The following BANK1 variants were observed in gnomAD, a reference collection of about 807,000 sequenced individuals.
BANK1 encodes B cell scaffold protein with ankyrin repeats 1.
A neutral mutation model predicts 94.5 loss-of-function variants in BANK1; 95 were observed. The observed-to-expected ratio is 1.00, with a 90% CI of 0.85 to 1.19. The LOEUF (loss-of-function observed/expected upper bound fraction) is 1.19. Among genes scored for constraint, BANK1 ranks in the 50% most tolerant of loss-of-function variants. BANK1 has a pLI of 0.00. For synonymous variants in BANK1, 334 were observed against 308.4 expected (o/e 1.08, Z -0.87); for missense variants, 987 against 932.2 (o/e 1.06, Z -0.77).
At chr4:101,916,490 A>G (rs1030334696) in intron 6 of BANK1, among the ~76,000 whole-genome samples, 2 of 152,000 alleles carry the variant, frequency 1.3e-5, no homozygotes, top group East Asian at 3.9e-4. Flanking sequence ...GTATATTTTC[A>G]TTTTATTATT....
intron 7 of BANK1, among the ~76,000 whole-genome samples, chr4:101,927,365 G>C (rs1723196321): frequency 6.6e-6 from 1 of 151,602 alleles, no homozygotes; most frequent in Non-Finnish European, 1.5e-5. Context: ...GGATTATGGG[G>C]ATTATGGGGA....
chr4:101,870,645 G>T lies in BANK1; in HGVS notation c.903+1G>T. On this transcript the variant is annotated splice_donor_variant, in intron 5 of 16. Coordinates refer to ENST00000322953, the MANE Select transcript of BANK1 (RefSeq NM_017935.5). LOFTEE classifies it high-confidence loss of function. ...AGATTCAGGAGAGAGTTTGTGCCAGGTAAGTTAATCTTTCCACGAAGTTAA... is the reference window on the plus strand; with the variant it reads ...AGATTCAGGAGAGAGTTTGTGCCAGTTAAGTTAATCTTTCCACGAAGTTAA... 6.2e-7 allele frequency: 1 copy of T among 1,608,580 alleles called. No individual in the cohort carries two copies. Among genetic ancestry groups the T allele is most frequent in the Non-Finnish European group, 8.5e-7 (1 of 1,177,814 alleles).
chr4:101,855,091 G>A lies in BANK1; in HGVS notation c.526G>A (p.Gly176Arg). 2 of 1,613,376 alleles carry A rather than the reference G, an allele frequency of 1.2e-6. No individual in the cohort carries two copies. Among genetic ancestry groups the A allele is most frequent in the East Asian group, 4.5e-5 (2 of 44,852 alleles). The change falls in exon 3 of 17, where the codon GGG (glycine) becomes AGG (arginine). Residue 176 changes from glycine to arginine, a missense_variant. Coordinates refer to ENST00000322953, the MANE Select transcript of BANK1 (RefSeq NM_017935.5). ...AACAGACCTACGAGCAAAACATTCTGGGGAAATAAGTGAGAGAAAGGAAAT... is the reference window on the plus strand; with the variant it reads ...AACAGACCTACGAGCAAAACATTCTAGGGAAATAAGTGAGAGAAAGGAAAT... ...IPTDLRAKHS[G>R]EISERKEIEE...
intron 1 of BANK1, among the ~76,000 whole-genome samples, chr4:101,794,597 AAATATAAAG>A (rs1221359236): frequency 6.6e-6 from 1 of 152,140 alleles, no homozygotes; most frequent in African/African-American, 2.4e-5. Context: ...TTCCTGTTTT[AAATATAAAG>A]AATGGTATCT....
intron 1 of BANK1, among the ~76,000 whole-genome samples, chr4:101,806,539 CT>C (rs977527919): frequency 5.3e-5 from 8 of 152,126 alleles, no homozygotes; most frequent in Non-Finnish European, 8.8e-5. Context: ...CAGAACTTCA[CT>C]TTTTGCCAGC....
chr4:101,903,870 C>T (rs1009575742), intron 6 of BANK1, among the ~76,000 whole-genome samples: 6 of 152,268 alleles, frequency 3.9e-5, no homozygotes, highest in African/African-American at 1.4e-4. Flanking sequence ...TCAATTTTAT[C>T]AGGAGCTGTA....
intron 6 of BANK1, among the ~76,000 whole-genome samples, chr4:101,902,238 C>T (rs1014588801): frequency 6.6e-6 from 1 of 152,194 alleles, no homozygotes; most frequent in Non-Finnish European, 1.5e-5. Flanking sequence ...CTACCCATGA[C>T]ACCTGGTTGA....
At chr4:101,945,431 CA>C (rs762392051) in intron 7 of BANK1, among the ~76,000 whole-genome samples, 2 of 151,718 alleles carry the variant, frequency 1.3e-5, no homozygotes, top group Non-Finnish European at 2.9e-5. Context: ...ATTTACTGTT[CA>C]AAAAATAGTG....
At chr4:101,800,985 T>C (rs6819732) in intron 1 of BANK1, among the ~76,000 whole-genome samples, 83,648 of 151,964 alleles carry the variant, frequency 0.55, 23,110 homozygotes, top group South Asian at 0.67. Flanking sequence ...CTTGAACTCC[T>C]GACCTTAGAT....
chr4:101,802,040 A>G (rs1301079852), intron 1 of BANK1, among the ~76,000 whole-genome samples: 1 of 152,186 alleles, frequency 6.6e-6, no homozygotes, highest in African/African-American at 2.4e-5. Context: ...TGGTCTTGGA[A>G]AATGCAATAT....
At chr4:101,806,480 G>A (rs1725559258) in intron 1 of BANK1, among the ~76,000 whole-genome samples, 2 of 152,084 alleles carry the variant, frequency 1.3e-5, no homozygotes, top group African/African-American at 4.8e-5. Flanking sequence ...ACGTTGCACT[G>A]GATTTGAAGT....
intron 1 of BANK1, among the ~76,000 whole-genome samples, chr4:101,818,929 A>C (rs1726027822): frequency 6.7e-6 from 1 of 148,488 alleles, no homozygotes; most frequent in East Asian, 2.0e-4. Flanking sequence ...TTTCAGATAC[A>C]TATATTTTGC....
chr4:101,906,214 C>G (rs1722443049), intron 6 of BANK1, among the ~76,000 whole-genome samples: 2 of 152,202 alleles, frequency 1.3e-5, no homozygotes, highest in African/African-American at 4.8e-5. Flanking sequence ...CAACTGGAAA[C>G]AGCAACATTC....
intron 3 of BANK1, among the ~76,000 whole-genome samples, chr4:101,858,040 T>C (rs1451431521): frequency 2.6e-5 from 4 of 152,196 alleles, no homozygotes; most frequent in African/African-American, 7.2e-5. Context: ...TTTATCTCCC[T>C]GATGAAAAAT....
chr4:102,073,509 A>ACTT, intron 15 of BANK1, among the ~76,000 whole-genome samples, 175 bp from the exon 16 acceptor site: 1 of 152,126 alleles, frequency 6.6e-6, no homozygotes, highest in African/African-American at 2.4e-5. Context: ...ATGCAGTTGA[A>ACTT]CTTTACAATG....
chr4:101,865,518 G>A (rs1159932196), intron 4 of BANK1, among the ~76,000 whole-genome samples: 1 of 152,022 alleles, frequency 6.6e-6, no homozygotes, highest in East Asian at 1.9e-4. Context: ...GTTCTCCATA[G>A]CACAGGCCTA....
At chr4:102,006,809 C>T (rs1410953969) in intron 7 of BANK1, among the ~76,000 whole-genome samples, 1 of 151,072 alleles carries the variant, frequency 6.6e-6, no homozygotes, top group Non-Finnish European at 1.5e-5. Flanking sequence ...ACCTGGCCCA[C>T]ACTTGTTTAG....
intron 2 of BANK1, among the ~76,000 whole-genome samples, chr4:101,847,294 A>G (rs1339195301): frequency 6.6e-6 from 1 of 151,750 alleles, no homozygotes; most frequent in Non-Finnish European, 1.5e-5. Context: ...CACATAGTCA[A>G]TGTTCAGTAG....
At chr4:101,856,501 A>G (rs1176482620) in intron 3 of BANK1, among the ~76,000 whole-genome samples, 1 of 152,082 alleles carries the variant, frequency 6.6e-6, no homozygotes, top group African/African-American at 2.4e-5. Context: ...TCTCAAGTAG[A>G]TGAAATCAAA....
Sources: gnomAD v4.1 joint callset for allele counts (sites outside exome capture counted in the v4.1 genomes callset) on GRCh38, gnomAD v4.1.1 for gene constraint, MANE v1.5 for transcripts, NCBI Gene and HGNC (gene_info 2026-07-23, HGNC 2026-07-21) for gene names.